The following USP20 variants were observed in gnomAD, a reference collection of about 807,000 sequenced individuals.
The protein encoded by USP20 is ubiquitin specific peptidase 20.
Under a neutral mutation model 124.2 loss-of-function variants are expected in USP20, and 80 were observed. That is an observed-to-expected ratio of 0.64 (90% CI 0.54 to 0.78). The LOEUF (loss-of-function observed/expected upper bound fraction) is 0.78. Among genes scored for constraint, USP20 ranks in the 30% least tolerant of loss-of-function variants. USP20 has a pLI of 0.00. For synonymous variants in USP20, 481 were observed against 512.3 expected (o/e 0.94, Z 0.83); for missense variants, 1,043 against 1,244.4 (o/e 0.84, Z 2.44).
intron 1 of USP20, among the ~76,000 whole-genome samples, chr9:129,838,666 T>C (rs2032015627): frequency 6.6e-6 from 1 of 152,220 alleles, no homozygotes; most frequent in Non-Finnish European, 1.5e-5. Flanking sequence ...AGAGAGGATC[T>C]GATTTCAGGC....
In USP20 at chr9:129,838,951, G is replaced by A. The variant is rs116056238; in HGVS notation, c.-129+3452G>A. Reference sequence around the variant, plus strand: ...GGGAGATACTGTCATATCCTAGACTGAAGGAAGTTAAGCTGAGCAGAAAAA... The same window carrying A: ...GGGAGATACTGTCATATCCTAGACTAAAGGAAGTTAAGCTGAGCAGAAAAA... On this transcript the variant is annotated intron_variant, in intron 1 of 25. Coordinates refer to ENST00000372429, the MANE Select transcript of USP20 (RefSeq NM_001110303.4). 5.2e-3 allele frequency among the ~76,000 whole-genome samples: 797 copies of A among 152,316 alleles called. 5 individuals are homozygous for A. Among genetic ancestry groups the A allele is most frequent in the African/African-American group, 0.017 (715 of 41,572 alleles).
At chr9:129,875,875 A>C (rs559250513) in intron 21 of USP20, among the ~76,000 whole-genome samples, 113 of 148,154 alleles carry the variant, frequency 7.6e-4, no homozygotes, top group African/African-American at 2.6e-3. Context: ...AGCACAGCTG[A>C]GTGTGTTGGC....
At position 129,874,923 on chromosome 9, in the gene USP20, G is replaced by A. The variant is rs776793658; in HGVS notation, c.2016G>A (p.Val672=). Residue 672 remains valine, a synonymous_variant, in exon 19 of 26, where the codon GTG becomes GTA. Coordinates refer to ENST00000372429, the MANE Select transcript of USP20 (RefSeq NM_001110303.4). ...QYVTEVHETV[V]QNAEGYVLFY... The stretch of plus-strand genomic sequence containing the variant: ...TCACAGAAGTCCACGAGACGGTGGT[G>A]CAGAACGCCGAGGGCTACGTACTCT... The A allele has an allele frequency of 2.6e-5, 42 of 1,614,058 alleles. No individual in the cohort carries two copies. The South Asian group carries it at 4.6e-4, about 18-fold the overall frequency.
chr9:129,870,532 G>A lies in USP20; in HGVS notation c.1645G>A (p.Ala549Thr). 1.9e-6 allele frequency: 3 copies of A among 1,614,166 alleles called. No homozygotes were observed. The highest frequency in any genetic ancestry group is 2.5e-6 in the Non-Finnish European group (3 of 1,180,014). ...AGACTGCCTTGCTGCCTTCTTTGCC[G>A]CTGATGAGTTAAAGGGTGAGGGGCC... ...LEDCLAAFFA[A>T]DELKGDNMYS... The change falls in exon 15 of 26, where the codon GCT becomes ACT. Residue 549 changes from alanine to threonine, a missense_variant. Ala to Thr is a moderately conservative substitution (Grantham distance 58). Coordinates refer to ENST00000372429, the MANE Select transcript of USP20 (RefSeq NM_001110303.4).
At chr9:129,867,253 C>T (rs2033862939) in intron 10 of USP20, among the ~76,000 whole-genome samples, 1 of 152,200 alleles carries the variant, frequency 6.6e-6, no homozygotes, top group Non-Finnish European at 1.5e-5. Context: ...TGTGAGCACA[C>T]AGATCTCAGT....
At chr9:129,865,947 G>A (rs986602489) in intron 10 of USP20, among the ~76,000 whole-genome samples, 2 of 152,198 alleles carry the variant, frequency 1.3e-5, no homozygotes, top group Admixed American at 6.5e-5. Context: ...AAAGTAAAAA[G>A]TTTGATTAAA....
Position 129,858,086 on chromosome 9 carries a change from G to A in USP20, c.172G>A (p.Ala58Thr), listed in dbSNP as rs765681428. ...CTATGTTGGCTGCGGAGAATCCTTT[G>A]CTGACCACAGCACCATTCATGCACA... ...CPYVGCGESF[A>T]DHSTIHAQAK... The change falls in exon 5 of 26, where the codon GCT becomes ACT. Residue 58 changes from alanine to threonine, a missense_variant. Physicochemically the swap from Ala to Thr is moderately conservative, Grantham distance 58 (BLOSUM62 0). Coordinates refer to ENST00000372429, the MANE Select transcript of USP20 (RefSeq NM_001110303.4). 19 of 1,613,664 alleles carry A rather than the reference G, an allele frequency of 1.2e-5. No individual in the cohort carries two copies. The East Asian group carries it at 3.8e-4, about 32-fold the overall frequency.
chr9:129,848,831 A>G (rs1455890884), intron 1 of USP20, among the ~76,000 whole-genome samples: 1 of 152,202 alleles, frequency 6.6e-6, no homozygotes, highest in African/African-American at 2.4e-5. Flanking sequence ...AAGAAAACTA[A>G]AAAACCTGGC....
Position 129,868,971 on chromosome 9 carries a change from G to A in USP20, c.1245G>A (p.Val415=), listed in dbSNP as rs2033973786. ...GCAGCCCCCCTCGTGCAAGCCCCGTGAGGATGGCACCGTCGTACGTGCTCA... is the reference window on the plus strand; with the variant it reads ...GCAGCCCCCCTCGTGCAAGCCCCGTAAGGATGGCACCGTCGTACGTGCTCA... ...LSSSPPRASP[V]RMAPSYVLKK... is the part of the protein sequence containing the mutation. The change falls in exon 12 of 26, where the codon GTG becomes GTA. Residue 415 remains valine, a synonymous_variant. Coordinates refer to ENST00000372429, the MANE Select transcript of USP20 (RefSeq NM_001110303.4). 2 of 1,612,424 alleles carry A rather than the reference G, an allele frequency of 1.2e-6. No individual in the cohort carries two copies. Among genetic ancestry groups the A allele is most frequent in the South Asian group, 2.2e-5 (2 of 90,914 alleles).
chr9:129,850,656 G>T (rs994123996), intron 2 of USP20, among the ~76,000 whole-genome samples: 91 of 151,846 alleles, frequency 6.0e-4, no homozygotes, highest in African/African-American at 2.0e-3. Context: ...TGTTTTTTGT[G>T]TGTGTGTGTG....
At position 129,869,669 on chromosome 9, in the gene USP20, C is replaced by T. The variant is rs748516106; in HGVS notation, c.1393-3C>T. 1.2e-6 allele frequency: 2 copies of T among 1,613,992 alleles called. No individual in the cohort carries two copies. The highest frequency in any genetic ancestry group is 2.2e-5 in the East Asian group (1 of 44,870). Reference sequence around the variant, plus strand: ...GGCAGCAGACTGACCTTCAACCCCACAGGTATCCACCACAGTGGAAACGTT... The same window carrying T: ...GGCAGCAGACTGACCTTCAACCCCATAGGTATCCACCACAGTGGAAACGTT... On this transcript the variant is annotated splice_region_variant and splice_polypyrimidine_tract_variant and intron_variant, in intron 13 of 25. Transcript: ENST00000372429.
intron 10 of USP20, among the ~76,000 whole-genome samples, chr9:129,866,537 C>T (rs1308549916): frequency 2.0e-5 from 3 of 152,210 alleles, no homozygotes; most frequent in Admixed American, 6.5e-5. Context: ...CATCCCTCAG[C>T]ACAGCACCAC....
At chr9:129,878,695 T>G (rs1387980548) in intron 23 of USP20, among the ~76,000 whole-genome samples, 2 of 152,192 alleles carry the variant, frequency 1.3e-5, no homozygotes, top group African/African-American at 4.8e-5. Context: ...CCCAGCAAGC[T>G]GCTCTGCCCT....
At chr9:129,864,576 C>G (rs2033729588) in intron 9 of USP20, among the ~76,000 whole-genome samples, 1 of 151,482 alleles carries the variant, frequency 6.6e-6, no homozygotes, top group South Asian at 2.1e-4. Flanking sequence ...GAGTTCGAGA[C>G]CAGCCTGGCC....
At chr9:129,852,872 A>G (rs1028375217) in intron 3 of USP20, among the ~76,000 whole-genome samples, 6 of 152,160 alleles carry the variant, frequency 3.9e-5, no homozygotes, top group Admixed American at 3.9e-4. Context: ...CTCTCTGTCC[A>G]TTAGCTGTTG....
At chr9:129,878,593 T>C (rs77221982) in intron 23 of USP20, among the ~76,000 whole-genome samples, 153 bp downstream of exon 23, 1,955 of 152,256 alleles carry the variant, frequency 0.013, 20 homozygotes, top group Middle Eastern at 0.027. Flanking sequence ...GCATGGGGCT[T>C]TGCCAGTCCC....
chr9:129,865,473 C>T, intron 10 of USP20, 92 bp downstream of exon 10: 5 of 1,342,380 alleles, frequency 3.7e-6, no homozygotes, highest in South Asian at 2.4e-5. Flanking sequence ...ATCGCAATGG[C>T]AGCTGAGCAC....
chr9:129,853,176 T>C (rs571465155), intron 3 of USP20, among the ~76,000 whole-genome samples: 9 of 145,314 alleles, frequency 6.2e-5, no homozygotes, highest in African/African-American at 2.3e-4. Context: ...TAAGCACTTA[T>C]TCTCTTTTGT....
At position 129,839,908 on chromosome 9, in the gene USP20, G is replaced by A. The variant is rs1214921524; in HGVS notation, c.-129+4409G>A. 6.6e-6 allele frequency among the ~76,000 whole-genome samples: 1 copy of A among 152,154 alleles called. No individual in the cohort carries two copies. The highest frequency in any genetic ancestry group is 1.5e-5 in the Non-Finnish European group (1 of 68,010). ...CTTGCCCCTCCACTTTGCCCCTGTG[G>A]GTGGAGTGGCACTTTCCCCCACCCT... is the stretch of plus-strand genomic sequence containing the variant. On this transcript the variant is annotated intron_variant, in intron 1 of 25. Transcript: ENST00000372429. The surrounding 1 kb of genome is among the most constrained non-coding windows in gnomAD (Gnocchi z 4.5).
Sources: gnomAD v4.1 joint callset for allele counts (sites outside exome capture counted in the v4.1 genomes callset) on GRCh38, gnomAD v4.1.1 for gene constraint, Gnocchi (gnomAD v3.1) non-coding constraint, MANE v1.5 for transcripts, NCBI Gene and HGNC (gene_info 2026-07-23, HGNC 2026-07-21) for gene names.